The following TRAF3 variants were observed in gnomAD, a reference collection of about 807,000 sequenced individuals.
TRAF3 encodes TNF receptor-associated factor 3.
Under a neutral mutation model 62.3 loss-of-function variants are expected in TRAF3, and 13 were observed. That is an observed-to-expected ratio of 0.21 (90% CI 0.14 to 0.33). The LOEUF (loss-of-function observed/expected upper bound fraction) is 0.33, where lower values mean the gene tolerates loss of function less well. Ranked by LOEUF, TRAF3 falls within the 10% of genes least tolerant of loss-of-function variation. The pLI is 1.00. For missense variants in TRAF3, 440 were observed against 741.8 expected (o/e 0.59, Z 4.73); for synonymous variants, 269 against 283.4 (o/e 0.95, Z 0.51).
intron 1 of TRAF3, among the ~76,000 whole-genome samples, chr14:102,792,105 T>C (rs1897826603): frequency 7.7e-6 from 1 of 130,610 alleles, no homozygotes; most frequent in African/African-American, 2.8e-5. Context: ...CGAGCCACTG[T>C]GCCTGGACTT....
chr14:102,883,255 T>C (rs142467252), intron 6 of TRAF3, among the ~76,000 whole-genome samples: 1 of 152,316 alleles, frequency 6.6e-6, no homozygotes, highest in African/African-American at 2.4e-5. Flanking sequence ...TAGTGAAAGT[T>C]AGAGGCCTGC....
At chr14:102,832,507 C>G (rs771799734) in intron 2 of TRAF3, among the ~76,000 whole-genome samples, 4 of 151,776 alleles carry the variant, frequency 2.6e-5, no homozygotes, top group Admixed American at 6.6e-5. Flanking sequence ...AACCCCGTCT[C>G]TACTAAAAAT....
rs756864494 is a variant in TRAF3, at chr14:102,886,289, G to A, written c.651+20G>A. Reference sequence around the variant, plus strand: ...AGCGAGGTAGGGGCGGCCGGGCCCGGCCGGGAGTCTGTGGAGTCCTCAGGG... The same window carrying A: ...AGCGAGGTAGGGGCGGCCGGGCCCGACCGGGAGTCTGTGGAGTCCTCAGGG... On this transcript the variant is annotated intron_variant, in intron 7 of 11. Coordinates refer to ENST00000392745, the MANE Select transcript of TRAF3 (RefSeq NM_145725.3). 1 of 1,598,022 alleles carries A rather than the reference G, an allele frequency of 6.3e-7. No individual in the cohort carries two copies. The highest frequency in any genetic ancestry group is 1.1e-5 in the South Asian group (1 of 90,094).
intron 1 of TRAF3, among the ~76,000 whole-genome samples, chr14:102,815,786 C>T (rs1361421349): frequency 3.3e-5 from 5 of 152,106 alleles, no homozygotes; most frequent in Admixed American, 6.6e-5. Context: ...GAAGCAGGCA[C>T]GTCTTACATG....
intron 2 of TRAF3, among the ~76,000 whole-genome samples, chr14:102,865,222 C>T (rs946427976): frequency 1.3e-5 from 2 of 152,100 alleles, no homozygotes; most frequent in Non-Finnish European, 2.9e-5. Flanking sequence ...TCCCAGGAGC[C>T]AGTTCAGTCC....
chr14:102,849,256 T>C lies in TRAF3; in HGVS notation c.-18+18784T>C, dbSNP rs187714541. 5.7e-3 allele frequency among the ~76,000 whole-genome samples: 868 copies of C among 152,328 alleles called. 9 individuals carry two copies. Among genetic ancestry groups the C allele is most frequent in the Admixed American group, 9.8e-3 (150 of 15,298 alleles). Reference sequence around the variant, plus strand: ...TATCACATTTGCAACTTCTGCCCCTTATACAGCCCCGGGGCTCCAGCCCCA... The same window carrying C: ...TATCACATTTGCAACTTCTGCCCCTCATACAGCCCCGGGGCTCCAGCCCCA... On this transcript the variant is annotated intron_variant, in intron 2 of 11. Transcript: ENST00000392745.
intron 6 of TRAF3, among the ~76,000 whole-genome samples, chr14:102,878,351 A>AGTGTGTGGGGGTAAGT (rs549530158): frequency 9.8e-6 from 1 of 102,094 alleles, no homozygotes; most frequent in Non-Finnish European, 1.9e-5. Flanking sequence ...AATGTGGGTG[A>AGTGTGTGGGGGTAAGT]GTGTGTGGGG....
At chr14:102,831,115 A>G (rs1176963967) in intron 2 of TRAF3, among the ~76,000 whole-genome samples, 2 of 152,140 alleles carry the variant, frequency 1.3e-5, no homozygotes, top group Non-Finnish European at 2.9e-5. Context: ...CATTCTCCCT[A>G]TTCTTCTCAC....
intron 6 of TRAF3, among the ~76,000 whole-genome samples, chr14:102,884,343 G>A (rs1330378322): frequency 1.3e-5 from 2 of 152,148 alleles, no homozygotes; most frequent in Non-Finnish European, 2.9e-5. Flanking sequence ...CTTAACTGAC[G>A]CCATCTTCAG....
intron 10 of TRAF3, among the ~76,000 whole-genome samples, chr14:102,897,708 G>C (rs1474739203): frequency 3.9e-5 from 6 of 152,212 alleles, no homozygotes; most frequent in African/African-American, 1.4e-4. Flanking sequence ...TAAATTAGCT[G>C]TTTTTATTAT....
intron 2 of TRAF3, among the ~76,000 whole-genome samples, chr14:102,836,194 A>G (rs1258064378): frequency 6.6e-6 from 1 of 152,238 alleles, no homozygotes; most frequent in Non-Finnish European, 1.5e-5. Flanking sequence ...GGGGCTGGCC[A>G]GGGCCTGTGC....
rs138553484 is a variant in TRAF3 at position 102,891,519 on chromosome 14, A to G, written c.819+102A>G. On this transcript the variant is annotated intron_variant, in intron 9 of 11. Transcript: ENST00000392745. ...GTTATTAATGGGTTTTGGATAAAAG[A>G]AACTATCAAGAGAATGTCAAAAAAA... is the stretch of plus-strand genomic sequence containing the variant. The G allele has an allele frequency of 1.6e-4, 198 of 1,266,578 alleles. 1 individual carries two copies. In the African/African-American group the frequency reaches 2.5e-3, roughly 16 times the overall value. 78.5% of individuals were successfully genotyped at this position (1,266,578 alleles called of 1,614,324 possible).
chr14:102,814,713 G>T (rs996223577), intron 1 of TRAF3, among the ~76,000 whole-genome samples: 1 of 151,950 alleles, frequency 6.6e-6, no homozygotes, highest in African/African-American at 2.4e-5. Flanking sequence ...TGTAGAGACG[G>T]GGTTTTGCCA....
At chr14:102,852,343 T>A (rs1426849562) in intron 2 of TRAF3, among the ~76,000 whole-genome samples, 2 of 152,152 alleles carry the variant, frequency 1.3e-5, no homozygotes, top group Non-Finnish European at 2.9e-5. Context: ...GTTTGGGGCC[T>A]TTGAACTTGG....
intron 1 of TRAF3, among the ~76,000 whole-genome samples, chr14:102,784,043 A>C (rs1897373779): frequency 6.6e-6 from 1 of 152,154 alleles, no homozygotes; most frequent in Non-Finnish European, 1.5e-5. Flanking sequence ...GGACCACAGA[A>C]GTTTTCTAGT....
At chr14:102,815,535 G>A (rs981811456) in intron 1 of TRAF3, among the ~76,000 whole-genome samples, 1 of 152,028 alleles carries the variant, frequency 6.6e-6, no homozygotes, top group Non-Finnish European at 1.5e-5. Context: ...CTGGCTTATT[G>A]TGTGATCTAT....
intron 1 of TRAF3, among the ~76,000 whole-genome samples, chr14:102,827,041 C>A (rs1900360917): frequency 6.6e-6 from 1 of 152,214 alleles, no homozygotes; most frequent in African/African-American, 2.4e-5. Flanking sequence ...CGTGCAAGGT[C>A]CCCTTGCAGA....
intron 9 of TRAF3, among the ~76,000 whole-genome samples, chr14:102,893,712 G>A (rs537013725): frequency 2.5e-4 from 38 of 152,290 alleles, no homozygotes; most frequent in Admixed American, 4.6e-4. Context: ...TGGAAGCCCC[G>A]AGAGTGCAGG....
intron 1 of TRAF3, among the ~76,000 whole-genome samples, chr14:102,786,504 A>G (rs1042329125): frequency 2.6e-5 from 4 of 152,230 alleles, no homozygotes; most frequent in African/African-American, 9.6e-5. Context: ...CCTGAACAGC[A>G]TAGTGAAAAC....
Sources: allele counts gnomAD v4.1 joint callset (sites outside exome capture counted in the v4.1 genomes callset), GRCh38; gene constraint gnomAD v4.1.1; transcripts MANE v1.5; gene names NCBI Gene and HGNC (gene_info 2026-07-23, HGNC 2026-07-21).